CERKL: variants seen among roughly 807,000 people sequenced by gnomAD.
CERKL encodes ceramide kinase-like protein.
Under a neutral mutation model 63.4 loss-of-function variants are expected in CERKL, and 61 were observed. That is an observed-to-expected ratio of 0.96 (90% CI 0.78 to 1.19). The LOEUF is 1.19. CERKL is among the 50% of genes most tolerant of loss of function. The pLI, the probability that CERKL is intolerant of heterozygous loss-of-function variation, is 0.00. For synonymous variants in CERKL, 250 were observed against 230.5 expected (o/e 1.08, Z -0.77); for missense variants, 675 against 655.5 (o/e 1.03, Z -0.33).
chr2:181,551,357 C>A (rs549754192), intron 5 of CERKL, among the ~76,000 whole-genome samples: 7 of 152,168 alleles, frequency 4.6e-5, no homozygotes, highest in Admixed American at 4.6e-4. Context: ...GCAAAATAAA[C>A]CATCATCAGA....
At chr2:181,644,365 C>T (rs1378426293) in intron 1 of CERKL, among the ~76,000 whole-genome samples, 1 of 152,218 alleles carries the variant, frequency 6.6e-6, no homozygotes, top group African/African-American at 2.4e-5. Flanking sequence ...TTGATAATTA[C>T]CTTATTTTAA....
intron 2 of CERKL, among the ~76,000 whole-genome samples, chr2:181,593,948 A>T (rs1010652453): frequency 1.3e-5 from 2 of 151,980 alleles, no homozygotes; most frequent in Non-Finnish European, 2.9e-5. Context: ...TAAGCACCTT[A>T]CCCAAAGCAA....
rs199535090 is a variant in CERKL, at chr2:181,618,263, A to AAT, written c.239-14186_239-14185dup. On this transcript the variant is annotated intron_variant, in intron 1 of 12. Coordinates refer to ENST00000410087, the MANE Select transcript of CERKL (RefSeq NM_201548.5). ...GCACTTGTACCCCTTAAACTTACAC[A>AAT]ATATTTTTTTTTTTTTTTTAGAAAA... Among the ~76,000 whole-genome samples, 138 of 26,516 alleles carry AAT rather than the reference A, an allele frequency of 5.2e-3. 1 individual carries two copies. The South Asian group carries it at 0.11, about 21-fold the overall frequency. 17.4% of individuals were successfully genotyped at this position (26,516 alleles called of 152,430 possible).
At position 181,550,232 on chromosome 2, in the gene CERKL, C is replaced by T. The variant is rs184802343; in HGVS notation, c.821-524G>A. 7.9e-4 allele frequency among the ~76,000 whole-genome samples: 120 copies of T among 152,270 alleles called. No homozygotes were observed. In the Middle Eastern group the frequency reaches 0.031, roughly 39 times the overall value. The stretch of plus-strand genomic sequence containing the variant: ...AAGCTCTTAGCCAAATGAGAATCCC[C>T]TCTGTTATCTGACAAATGTCTCCTA... On this transcript the variant is annotated intron_variant, in intron 5 of 12. Coordinates refer to ENST00000410087, the MANE Select transcript of CERKL (RefSeq NM_201548.5). The surrounding 1 kb of genome is among the most constrained non-coding windows in gnomAD (Gnocchi z 4.5).
At chr2:181,556,889 A>G (rs1280299726) in intron 5 of CERKL, among the ~76,000 whole-genome samples, 1 of 152,162 alleles carries the variant, frequency 6.6e-6, no homozygotes, top group Non-Finnish European at 1.5e-5. Flanking sequence ...ATTTCTCCAC[A>G]TCCTCTCCAG....
chr2:181,601,453 C>G (rs1030672747), intron 2 of CERKL, among the ~76,000 whole-genome samples: 29 of 151,868 alleles, frequency 1.9e-4, no homozygotes, highest in African/African-American at 6.8e-4. Context: ...CCCAGCTACT[C>G]GGGAGGCTGA....
chr2:181,613,771 A>G (rs1052962680), intron 1 of CERKL, among the ~76,000 whole-genome samples: 8 of 152,240 alleles, frequency 5.3e-5, no homozygotes, highest in Non-Finnish European at 7.3e-5. Flanking sequence ...AATATCTCAC[A>G]TAGAAAATCT....
At chr2:181,636,370 G>C (rs897042994) in intron 1 of CERKL, among the ~76,000 whole-genome samples, 3 of 151,788 alleles carry the variant, frequency 2.0e-5, no homozygotes, top group Non-Finnish European at 4.4e-5. Context: ...CATTCTCCCA[G>C]CTTTGCAGCC....
intron 1 of CERKL, among the ~76,000 whole-genome samples, chr2:181,638,858 C>G (rs1172827243): frequency 6.6e-6 from 1 of 152,174 alleles, no homozygotes; most frequent in Non-Finnish European, 1.5e-5. Flanking sequence ...TGGTCTGAGG[C>G]TCTCCCTTCC....
intron 2 of CERKL, among the ~76,000 whole-genome samples, chr2:181,602,638 G>A (rs1452636556): frequency 1.3e-5 from 2 of 152,108 alleles, no homozygotes; most frequent in Non-Finnish European, 2.9e-5. Flanking sequence ...AGCTCATCTC[G>A]CATGAGCATA....
chr2:181,574,833 G>C (rs1233936760), intron 2 of CERKL, among the ~76,000 whole-genome samples: 2 of 152,160 alleles, frequency 1.3e-5, no homozygotes, highest in African/African-American at 2.4e-5. Flanking sequence ...ATCAAGTAGA[G>C]AGAATATTTT....
At chr2:181,573,445 G>A (rs907176848) in intron 3 of CERKL, among the ~76,000 whole-genome samples, 2 of 152,068 alleles carry the variant, frequency 1.3e-5, no homozygotes, top group African/African-American at 2.4e-5. Context: ...CAAAATTAAC[G>A]TGTAAGTAGC....
At chr2:181,617,436 A>G (rs1686246200) in intron 1 of CERKL, 1 of 152,208 alleles carries the variant, frequency 6.6e-6, no homozygotes, top group Non-Finnish European at 1.5e-5. Context: ...AAAATGAACA[A>G]AGTGAGTCAG....
chr2:181,600,065 A>T (rs1378027651), intron 2 of CERKL, among the ~76,000 whole-genome samples: 1 of 152,224 alleles, frequency 6.6e-6, no homozygotes, highest in Admixed American at 6.5e-5. Context: ...CTTAAAGAAA[A>T]AAGAAAATGC....
chr2:181,594,869 A>T (rs1157618325), intron 2 of CERKL, among the ~76,000 whole-genome samples: 2 of 152,160 alleles, frequency 1.3e-5, no homozygotes, highest in Non-Finnish European at 2.9e-5. Flanking sequence ...AATTATAACA[A>T]AATTCCTGGA....
At chr2:181,547,792 C>T in intron 9 of CERKL, 30 bp downstream of exon 9, 3 of 1,613,884 alleles carry the variant, frequency 1.9e-6, no homozygotes, top group Non-Finnish European at 2.5e-6. Context: ...GAACCTGGCA[C>T]AGTTCTCAAG....
At chr2:181,565,505 T>C (rs765051351) in intron 4 of CERKL, 21 of 1,606,608 alleles carry the variant, frequency 1.3e-5, no homozygotes, top group Non-Finnish European at 1.6e-5. Context: ...TGGTTTCCGA[T>C]GCCCACTGTG....
chr2:181,606,250 GA>G (rs1233858485), intron 1 of CERKL, among the ~76,000 whole-genome samples: 1 of 124,810 alleles, frequency 8.0e-6, no homozygotes, highest in Non-Finnish European at 1.7e-5. Context: ...GGAAGACAAG[GA>G]GGAAGACAGG....
intron 1 of CERKL, among the ~76,000 whole-genome samples, chr2:181,647,485 G>A (rs1006509363): frequency 2.6e-5 from 4 of 152,052 alleles, no homozygotes; most frequent in African/African-American, 9.7e-5. Context: ...TGCAGCCTAG[G>A]CCACTGAGGA....
Sources: allele counts gnomAD v4.1 joint callset (sites outside exome capture counted in the v4.1 genomes callset), GRCh38; gene constraint gnomAD v4.1.1; non-coding constraint Gnocchi (gnomAD v3.1); transcripts MANE v1.5; gene names NCBI Gene and HGNC (gene_info 2026-07-23, HGNC 2026-07-21).